The following NUGGC variants were observed in gnomAD, a reference collection of about 807,000 sequenced individuals.
The protein encoded by NUGGC is nuclear GTPase, germinal center associated, also known as nuclear GTPase SLIP-GC.
A neutral mutation model predicts 92.6 loss-of-function variants in NUGGC; 58 were observed. The observed-to-expected ratio is 0.63, with a 90% CI of 0.51 to 0.78. The LOEUF (loss-of-function observed/expected upper bound fraction) is 0.78. Among genes scored for constraint, NUGGC ranks in the 30% least tolerant of loss-of-function variants. The probability of loss-of-function intolerance (pLI) is 0.00; values close to 1 mark genes in which losing one functional copy is unlikely to be tolerated. For missense variants in NUGGC, 925 were observed against 964.6 expected, an observed-to-expected ratio of 0.96 and a Z score of 0.54; for synonymous variants, 376 against 366.4, an observed-to-expected ratio of 1.03 and a Z score of -0.30.
At position 28,029,231 on chromosome 8, in the gene NUGGC, C is replaced by T. The variant is rs201861945; in HGVS notation, c.2154+35G>A. 4.5e-5 allele frequency: 72 copies of T among 1,586,904 alleles called. No individual in the cohort carries two copies. The African/African-American group carries it at 7.5e-4, about 17-fold the overall frequency. ...CTTCCTCTCCTCCCCCGGAGCCTCTCGGGGTCTAGGATCCAGGATGTGGGC... is the reference window on the plus strand; with the variant it reads ...CTTCCTCTCCTCCCCCGGAGCCTCTTGGGGTCTAGGATCCAGGATGTGGGC... On this transcript the variant is annotated intron_variant, in intron 17 of 18. Transcript: ENST00000413272.
At chr8:28,033,778 G>T in intron 13 of NUGGC, 81 bp from the exon 14 acceptor site, 1 of 1,173,572 alleles carries the variant, frequency 8.5e-7, no homozygotes, top group Non-Finnish European at 1.3e-6. Context: ...CCTGGCCAAA[G>T]ATCACTACCA....
chr8:28,053,509 C>T (rs78554164), intron 10 of NUGGC, among the ~76,000 whole-genome samples: 8,671 of 151,970 alleles, frequency 0.057, 280 homozygotes, highest in Middle Eastern at 0.099. Flanking sequence ...TTCCAAACAA[C>T]GGCATGTAGT....
At chr8:28,031,825 C>G (rs775182520) in intron 14 of NUGGC, among the ~76,000 whole-genome samples, 1 of 152,224 alleles carries the variant, frequency 6.6e-6, no homozygotes, top group Non-Finnish European at 1.5e-5. Flanking sequence ...TAAGCACAGT[C>G]GTTTCAGAAT....
chr8:28,033,782 A>T (rs1409631630), intron 13 of NUGGC, 85 bp from the exon 14 acceptor site: 10 of 1,129,660 alleles, frequency 8.9e-6, no homozygotes, highest in Non-Finnish European at 1.3e-5. Flanking sequence ...GCCAAAGATC[A>T]CTACCAAGAA....
chr8:28,033,637 T>C lies in NUGGC; in HGVS notation c.1672A>G (p.Ile558Val). ...CTCGCCAGAGTCCTGGAGGCATAGA[T>C]GCCATTTTTCAGGCAAACAGCTTTC... is the stretch of plus-strand genomic sequence containing the variant. Reference protein sequence around the residue: ...TLKAVCLKNGIYASRTLARID... With the variant: ...TLKAVCLKNGVYASRTLARID... The change falls in exon 14 of 19, where the codon ATC becomes GTC. Residue 558 changes from isoleucine to valine, a missense_variant. Physicochemically the swap from Ile to Val is conservative, Grantham distance 29. Coordinates refer to ENST00000413272, the MANE Select transcript of NUGGC (RefSeq NM_001010906.2). The C allele has an allele frequency of 6.2e-7, 1 of 1,613,968 alleles. No homozygotes were observed. Among genetic ancestry groups the C allele is most frequent in the Non-Finnish European group, 8.5e-7 (1 of 1,179,830 alleles).
intron 10 of NUGGC, among the ~76,000 whole-genome samples, chr8:28,052,055 T>C (rs1030917821): frequency 1.1e-4 from 17 of 152,146 alleles, no homozygotes; most frequent in African/African-American, 3.9e-4. Flanking sequence ...CTCGTTACTA[T>C]AGGATGGGGC....
chr8:28,078,197 T>C (rs1408814122), intron 1 of NUGGC, among the ~76,000 whole-genome samples: 1 of 152,200 alleles, frequency 6.6e-6, no homozygotes, highest in Non-Finnish European at 1.5e-5. Context: ...TTTGGAATCA[T>C]TGGAAATTAT....
At chr8:28,067,837 G>A (rs1436999572) in intron 5 of NUGGC, 93 bp from the exon 6 acceptor site, 13 of 934,450 alleles carry the variant, frequency 1.4e-5, no homozygotes, top group East Asian at 2.6e-5. Flanking sequence ...GGAGGGCCAG[G>A]GGGCTGCATA....
In NUGGC at chr8:28,058,223, A is replaced by T. The variant is rs901066486; in HGVS notation, c.1116+35T>A. On this transcript the variant is annotated intron_variant, in intron 9 of 18. Coordinates refer to ENST00000413272, the MANE Select transcript of NUGGC (RefSeq NM_001010906.2). ...ATAAAAAATAAATAGATAATAATTT[A>T]AAAATAAAAATAAAAAAAACTAGTT... 1.5e-5 allele frequency: 6 copies of T among 393,118 alleles called. No individual in the cohort carries two copies. In the Admixed American group the frequency reaches 2.5e-4, roughly 16 times the overall value. 24.4% of individuals were successfully genotyped at this position (393,118 alleles called of 1,614,324 possible). A position where few individuals can be genotyped will look rare whatever the true frequency, so the allele number is the denominator to read the frequency against.
chr8:28,036,599 A>T (rs1809559979), intron 13 of NUGGC, among the ~76,000 whole-genome samples: 1 of 152,134 alleles, frequency 6.6e-6, no homozygotes, highest in East Asian at 1.9e-4. Context: ...CTCCCTCCCA[A>T]ATCTTCTTAG....
intron 7 of NUGGC, among the ~76,000 whole-genome samples, chr8:28,062,516 C>G (rs1810332066): frequency 6.6e-6 from 1 of 152,020 alleles, no homozygotes; most frequent in Non-Finnish European, 1.5e-5. Flanking sequence ...ACTCGGGAGG[C>G]TGGGACAGCA....
At chr8:28,059,090 A>G (rs1415895093) in intron 8 of NUGGC, among the ~76,000 whole-genome samples, 2 of 152,082 alleles carry the variant, frequency 1.3e-5, no homozygotes, top group Non-Finnish European at 2.9e-5. Context: ...ATGCAGGAGG[A>G]AAAAAATGAA....
chr8:28,056,528 C>T (rs1810145478), intron 9 of NUGGC, among the ~76,000 whole-genome samples: 1 of 149,956 alleles, frequency 6.7e-6, no homozygotes, highest in Non-Finnish European at 1.5e-5. Flanking sequence ...TGGGTTTGAA[C>T]TGCGTAGGTC....
chr8:28,040,634 G>GT (rs1563217831), intron 13 of NUGGC, among the ~76,000 whole-genome samples: 1 of 148,650 alleles, frequency 6.7e-6, no homozygotes, highest in Non-Finnish European at 1.5e-5. Flanking sequence ...CTTTTTTTTT[G>GT]TTTTTTGTTT....
At chr8:28,050,307 C>T (rs1278433141) in intron 10 of NUGGC, among the ~76,000 whole-genome samples, 2 of 151,376 alleles carry the variant, frequency 1.3e-5, no homozygotes, top group African/African-American at 4.9e-5. Context: ...ATCGCTTGAA[C>T]CAGGGAGGCA....
intron 18 of NUGGC, 108 bp from the exon 19 acceptor site, chr8:28,023,570 T>A: frequency 9.0e-7 from 1 of 1,114,138 alleles, no homozygotes; most frequent in Non-Finnish European, 1.3e-6. Flanking sequence ...ATATGAGATC[T>A]GGAGTGGTGC....
chr8:28,028,060 TAAA>T (rs36109977), intron 17 of NUGGC, among the ~76,000 whole-genome samples: 3 of 143,060 alleles, frequency 2.1e-5, no homozygotes, highest in African/African-American at 7.6e-5. Context: ...TGGCGTTCTT[TAAA>T]AAAAAAAAAA....
At chr8:28,037,222 T>C (rs1809577306) in intron 13 of NUGGC, among the ~76,000 whole-genome samples, 1 of 152,134 alleles carries the variant, frequency 6.6e-6, no homozygotes, top group Admixed American at 6.5e-5. Context: ...CCCAAAGCAT[T>C]AGTTCTGATG....
intron 10 of NUGGC, among the ~76,000 whole-genome samples, chr8:28,055,013 C>T (rs1347653155): frequency 6.6e-6 from 1 of 152,046 alleles, no homozygotes; most frequent in Non-Finnish European, 1.5e-5. Flanking sequence ...ATGGTAAAAC[C>T]CTGTCTCTAC....
Sources: gnomAD v4.1 joint callset for allele counts (sites outside exome capture counted in the v4.1 genomes callset) on GRCh38, gnomAD v4.1.1 for gene constraint, MANE v1.5 for transcripts, NCBI Gene and HGNC (gene_info 2026-07-23, HGNC 2026-07-21) for gene names.